PCDHGB7: variants seen among roughly 807,000 people sequenced by gnomAD.
PCDHGB7 encodes protocadherin gamma subfamily B, 7.
PCDHGB7 carries 37 observed loss-of-function variants against 61.4 expected under a neutral mutation model. That is an observed-to-expected ratio of 0.60 (90% CI 0.46 to 0.79). The LOEUF (loss-of-function observed/expected upper bound fraction) is 0.79, where lower values mean the gene tolerates loss of function less well. Among genes scored for constraint, PCDHGB7 ranks in the 30% least tolerant of loss-of-function variants. PCDHGB7 has a pLI of 0.00. For missense variants in PCDHGB7, 1,166 were observed against 1,202.5 expected (o/e 0.97, Z 0.45); for synonymous variants, 464 against 503.5 (o/e 0.92, Z 1.05).
At chr5:141,430,811 A>T in intron 1 of PCDHGB7, 1 of 1,527,400 alleles carries the variant, frequency 6.5e-7, no homozygotes, top group Non-Finnish European at 8.8e-7. Context: ...CCTGCTGGGA[A>T]TCCTCCTGGG....
At position 141,476,456 on chromosome 5, in the gene PCDHGB7, A is replaced by C; in HGVS notation, c.2416-18351A>C. The C allele has an allele frequency of 6.2e-7, 1 of 1,614,058 alleles. No homozygotes were observed. Among genetic ancestry groups the C allele is most frequent in the Non-Finnish European group, 8.5e-7 (1 of 1,180,010 alleles). On this transcript the variant is annotated intron_variant, in intron 1 of 3. Transcript: ENST00000398594. The surrounding 1 kb of genome is among the most constrained non-coding windows in gnomAD (Gnocchi z 7.6). ...TGTAACTCTGGAGTTGGTAGTGGAGAACCCGCTGGAGCTGTTCAGCGTGGA... is the reference window on the plus strand; with the variant it reads ...TGTAACTCTGGAGTTGGTAGTGGAGCACCCGCTGGAGCTGTTCAGCGTGGA...
Position 141,419,570 on chromosome 5 carries a change from G to A in PCDHGB7, c.1711G>A (p.Gly571Ser), listed in dbSNP as rs751047365. Residue 571 changes from glycine (G) to serine (S), a missense_variant, in exon 1 of 4, where the codon GGC becomes AGC. Transcript: ENST00000398594. The part of the protein sequence containing the change: ...RVLYPALGPD[G>S]SALFDTVPRA... ...GCTGTACCCTGCGCTGGGTCCCGAC[G>A]GCTCCGCGCTCTTCGACACAGTGCC... 3 of 1,611,764 alleles carry A rather than the reference G, an allele frequency of 1.9e-6. No homozygotes were observed. Among genetic ancestry groups the A allele is most frequent in the Non-Finnish European group, 2.5e-6 (3 of 1,179,442 alleles).
At chr5:141,441,818 TG>T in intron 1 of PCDHGB7, 1 of 359,922 alleles carries the variant, frequency 2.8e-6, no homozygotes, top group Non-Finnish European at 5.5e-6. Flanking sequence ...ACCCCAGCTC[TG>T]GAGCGCAATG....
chr5:141,483,730 T>G (rs999201456), intron 1 of PCDHGB7, among the ~76,000 whole-genome samples: 1 of 152,014 alleles, frequency 6.6e-6, no homozygotes, highest in Non-Finnish European at 1.5e-5. Flanking sequence ...CCCACCATAG[T>G]CAAAAGGATA....
At chr5:141,505,302 G>A (rs1733345360) in intron 2 of PCDHGB7, 91 bp from the exon 3 acceptor site, 1 of 1,592,596 alleles carries the variant, frequency 6.3e-7, no homozygotes, top group Admixed American at 1.7e-5. Flanking sequence ...TAGGGTTAGG[G>A]TACTAGGTTT....
At chr5:141,467,273 G>T (rs879618653) in intron 1 of PCDHGB7, among the ~76,000 whole-genome samples, 1 of 151,828 alleles carries the variant, frequency 6.6e-6, no homozygotes, top group Admixed American at 6.6e-5. Context: ...GGCTGGTCTC[G>T]AACTCTTGAC....
At chr5:141,459,075 G>T (rs562572838) in intron 1 of PCDHGB7, among the ~76,000 whole-genome samples, 1 of 152,134 alleles carries the variant, frequency 6.6e-6, no homozygotes, top group Non-Finnish European at 1.5e-5. Context: ...CATAAAATTT[G>T]CCTTTTAAAA....
chr5:141,438,165 G>GA (rs1252266607), intron 1 of PCDHGB7, among the ~76,000 whole-genome samples: 2 of 152,076 alleles, frequency 1.3e-5, no homozygotes, highest in East Asian at 3.8e-4. Flanking sequence ...AAGCTAATTG[G>GA]AAAAAATATT....
intron 1 of PCDHGB7, among the ~76,000 whole-genome samples, chr5:141,459,968 C>T (rs1260233942): frequency 1.3e-5 from 2 of 152,190 alleles, no homozygotes; most frequent in East Asian, 3.8e-4. Context: ...ATCCCAGCTA[C>T]TCAGGAGGCT....
intron 1 of PCDHGB7, chr5:141,492,018 G>A: frequency 1.7e-6 from 1 of 585,594 alleles, no homozygotes; most frequent in Admixed American, 3.7e-5. Flanking sequence ...GGGTGTCGGG[G>A]GTCCCGGGAG....
rs201968743 is a variant in PCDHGB7, at chr5:141,490,095, A to G, written c.2416-4712A>G. On this transcript the variant is annotated intron_variant, in intron 1 of 3. Coordinates refer to ENST00000398594, the MANE Select transcript of PCDHGB7 (RefSeq NM_018927.4). The surrounding 1 kb of genome is among the most constrained non-coding windows in gnomAD (Gnocchi z 5.4). ...TAGACTATTCTTTTGGAGACCACAC[A>G]TCTGAGGCAGTGCGGAACCTCTTTG... 2.4e-4 allele frequency: 394 copies of G among 1,614,156 alleles called. No individual in the cohort carries two copies. The highest frequency in any genetic ancestry group is 3.1e-4 in the Non-Finnish European group (363 of 1,180,054).
chr5:141,486,012 A>C lies in PCDHGB7; in HGVS notation c.2416-8795A>C. The C allele has an allele frequency of 1.9e-6, 3 of 1,614,064 alleles. No homozygotes were observed. The highest frequency in any genetic ancestry group is 2.5e-6 in the Non-Finnish European group (3 of 1,179,984). On this transcript the variant is annotated intron_variant, in intron 1 of 3. Coordinates refer to ENST00000398594, the MANE Select transcript of PCDHGB7 (RefSeq NM_018927.4). The surrounding 1 kb of genome is among the most constrained non-coding windows in gnomAD (Gnocchi z 5.0). ...GGTCCCAGTGGTAACGTCACCTTTT[A>C]TTTCAGTGGTCATACCCCTGATCGT...
In PCDHGB7 at chr5:141,476,908, A is replaced by G. The variant is rs754076231; in HGVS notation, c.2416-17899A>G. 6.2e-7 allele frequency: 1 copy of G among 1,614,050 alleles called. No individual in the cohort carries two copies. The highest frequency in any genetic ancestry group is 8.5e-7 in the Non-Finnish European group (1 of 1,180,038). On this transcript the variant is annotated intron_variant, in intron 1 of 3. Coordinates refer to ENST00000398594, the MANE Select transcript of PCDHGB7 (RefSeq NM_018927.4). This position sits in a 1 kb window ranked among gnomAD's most constrained non-coding sequence, Gnocchi z 7.6. ...ATGCACCCTCCGGCACGCGCGTGGT[A>G]CAAGTCCTTGCAACGGATCTGGATG...
At chr5:141,426,442 G>A (rs1205822455) in intron 1 of PCDHGB7, 9 of 306,752 alleles carry the variant, frequency 2.9e-5, no homozygotes, top group African/African-American at 4.3e-5. Context: ...CCTTGCGGAG[G>A]ACATGCGGCT....
rs1206130340 is a variant in PCDHGB7, at chr5:141,473,814, G to A, written c.2416-20993G>A. On this transcript the variant is annotated intron_variant, in intron 1 of 3. Coordinates refer to ENST00000398594, the MANE Select transcript of PCDHGB7 (RefSeq NM_018927.4). ...GTATGATGCTACTGAGGAGCAGCTG[G>A]ACAATTGTGTGATCCAATTAAAATT... Among the ~76,000 whole-genome samples, 5 of 152,188 alleles carry A rather than the reference G, an allele frequency of 3.3e-5. No individual in the cohort carries two copies. The East Asian group carries it at 9.6e-4, about 29-fold the overall frequency.
chr5:141,435,745 A>T (rs2097777848), intron 1 of PCDHGB7, among the ~76,000 whole-genome samples: 1 of 152,184 alleles, frequency 6.6e-6, no homozygotes, highest in African/African-American at 2.4e-5. Context: ...TTTGAAAAGC[A>T]TTGCTTGATT....
chr5:141,443,029 C>A (rs1281303741), intron 1 of PCDHGB7, among the ~76,000 whole-genome samples: 1 of 152,192 alleles, frequency 6.6e-6, no homozygotes, highest in Admixed American at 6.5e-5. Flanking sequence ...AGTTGCCAGA[C>A]CTAAACTTTG....
chr5:141,419,539 G>A lies in PCDHGB7; in HGVS notation c.1680G>A (p.Pro560=). ...TGGGCGACCGTAACGACAACGCACC[G>A]CGGGTGCTGTACCCTGCGCTGGGTC... ...VLVGDRNDNA[P]RVLYPALGPD... is the part of the protein sequence containing the mutation. The change falls in exon 1 of 4, where the codon CCG becomes CCA. Residue 560 remains proline (P), a synonymous_variant. Transcript: ENST00000398594. 1.9e-6 allele frequency: 3 copies of A among 1,612,058 alleles called. No homozygotes were observed. The highest frequency in any genetic ancestry group is 2.5e-6 in the Non-Finnish European group (3 of 1,179,522).
rs779390477 is a variant in PCDHGB7 at position 141,419,000 on chromosome 5, G to A, written c.1141G>A (p.Glu381Lys). Reference protein sequence around the residue: ...TRDQDSGENGEVRCSLSRGVP... With the variant: ...TRDQDSGENGKVRCSLSRGVP... ...GGACCAAGACTCAGGGGAAAATGGG[G>A]AAGTCAGGTGTAGCTTAAGTAGAGG... The change falls in exon 1 of 4, where the codon GAA becomes AAA. Residue 381 changes from glutamate (E) to lysine (K), a missense_variant. By Grantham distance (56) the Glu-to-Lys change is moderately conservative. Transcript: ENST00000398594. 3.1e-6 allele frequency: 5 copies of A among 1,613,962 alleles called. 1 individual carries two copies. In the South Asian group the frequency reaches 4.4e-5, roughly 14 times the overall value.
Sources: allele counts gnomAD v4.1 joint callset (sites outside exome capture counted in the v4.1 genomes callset), GRCh38; gene constraint gnomAD v4.1.1; non-coding constraint Gnocchi (gnomAD v3.1); transcripts MANE v1.5; gene names NCBI Gene and HGNC (gene_info 2026-07-23, HGNC 2026-07-21).